The following HS3ST5 variants were observed in gnomAD, a reference collection of about 807,000 sequenced individuals.
The protein encoded by HS3ST5 is heparan sulfate glucosamine 3-O-sulfotransferase 5.
A neutral mutation model predicts 25.4 loss-of-function variants in HS3ST5; 10 were observed. The ratio of observed to expected loss-of-function variants is 0.39; its 90% CI spans 0.24 to 0.67. The LOEUF (loss-of-function observed/expected upper bound fraction) is 0.67. HS3ST5 is among the 30% of genes least tolerant of loss of function. The probability of loss-of-function intolerance (pLI) is 0.44; values close to 1 mark genes in which losing one functional copy is unlikely to be tolerated. For missense variants in HS3ST5, 324 were observed against 420.7 expected (o/e 0.77, Z 2.01); for synonymous variants, 170 against 162.4 (o/e 1.05, Z -0.36).
At chr6:114,301,176 C>T (rs1375208723) in intron 1 of HS3ST5, among the ~76,000 whole-genome samples, 2 of 152,164 alleles carry the variant, frequency 1.3e-5, no homozygotes, top group African/African-American at 4.8e-5. Context: ...GTATGAGAAT[C>T]ACATCTCAGT....
At chr6:114,161,563 AT>A (rs1778970328) in intron 3 of HS3ST5, among the ~76,000 whole-genome samples, 3 of 99,026 alleles carry the variant, frequency 3.0e-5, no homozygotes, top group South Asian at 3.0e-4. Flanking sequence ...ATATATATAT[AT>A]ATATATATAT....
chr6:114,140,698 C>T (rs547391945), intron 3 of HS3ST5, among the ~76,000 whole-genome samples: 29 of 152,218 alleles, frequency 1.9e-4, no homozygotes, highest in Non-Finnish European at 3.2e-4. Flanking sequence ...CAGAGGAGCA[C>T]GAGGAATGCA....
chr6:114,269,942 A>G (rs2114697751), intron 1 of HS3ST5, among the ~76,000 whole-genome samples: 1 of 152,294 alleles, frequency 6.6e-6, no homozygotes, highest in Middle Eastern at 3.4e-3. Flanking sequence ...GCCATCATCT[A>G]TGCCTCCATG....
intron 3 of HS3ST5, among the ~76,000 whole-genome samples, chr6:114,103,572 CTCTT>C (rs1485206356): frequency 6.6e-6 from 1 of 151,840 alleles, no homozygotes; most frequent in Non-Finnish European, 1.5e-5. Flanking sequence ...TCCTTTCTTT[CTCTT>C]TCTTTTTTTA....
chr6:114,219,162 G>A (rs1427883084), intron 2 of HS3ST5, among the ~76,000 whole-genome samples: 15 of 152,148 alleles, frequency 9.9e-5, no homozygotes, highest in African/African-American at 2.9e-4. Flanking sequence ...TACCTCATAA[G>A]TATTTGGATA....
chr6:114,317,413 T>C (rs975184803), intron 1 of HS3ST5, among the ~76,000 whole-genome samples: 1 of 152,116 alleles, frequency 6.6e-6, no homozygotes, highest in South Asian at 2.1e-4. Flanking sequence ...TATCCAGATG[T>C]CCCTTAAGAA....
chr6:114,244,578 A>C (rs570301226), intron 1 of HS3ST5, among the ~76,000 whole-genome samples: 1 of 152,324 alleles, frequency 6.6e-6, no homozygotes, highest in South Asian at 2.1e-4. Context: ...ATGAAAATTC[A>C]AGGTTTGGCC....
At chr6:114,311,222 A>T (rs1775515791) in intron 1 of HS3ST5, among the ~76,000 whole-genome samples, 1 of 152,176 alleles carries the variant, frequency 6.6e-6, no homozygotes, top group African/African-American at 2.4e-5. Flanking sequence ...AAATAATAAA[A>T]TCTGATGCTA....
At chr6:114,266,594 A>C (rs1288795848) in intron 1 of HS3ST5, among the ~76,000 whole-genome samples, 2 of 152,232 alleles carry the variant, frequency 1.3e-5, no homozygotes, top group Non-Finnish European at 2.9e-5. Flanking sequence ...GAAGTACATC[A>C]AATTACGAAG....
At chr6:114,124,699 A>G (rs1452647382) in intron 3 of HS3ST5, among the ~76,000 whole-genome samples, 1 of 151,968 alleles carries the variant, frequency 6.6e-6, no homozygotes, top group Non-Finnish European at 1.5e-5. Context: ...AGGAAAAAAA[A>G]TACACAAAGG....
intron 2 of HS3ST5, among the ~76,000 whole-genome samples, chr6:114,182,306 G>A (rs1256996702): frequency 1.3e-5 from 2 of 152,120 alleles, no homozygotes; most frequent in East Asian, 3.9e-4. Context: ...TTTTTGCAAT[G>A]TTTTCTTTCA....
chr6:114,264,427 T>C lies in HS3ST5; in HGVS notation c.-338-35649A>G, dbSNP rs184125385. ...CAGAGTTATTGCCCCCAATATTGCA[T>C]AGAAGAGCAAATTTCTTCAACATTC... On this transcript the variant is annotated intron_variant, in intron 1 of 4. Coordinates refer to ENST00000312719, the MANE Select transcript of HS3ST5 (RefSeq NM_153612.4). 7.2e-5 allele frequency among the ~76,000 whole-genome samples: 11 copies of C among 152,322 alleles called. No homozygotes were observed. The East Asian group carries it at 2.1e-3, about 29-fold the overall frequency.
chr6:114,120,544 A>C (rs1471714679), intron 3 of HS3ST5, among the ~76,000 whole-genome samples: 2 of 152,198 alleles, frequency 1.3e-5, no homozygotes, highest in African/African-American at 2.4e-5. Context: ...CTCACACACA[A>C]AAAATACTTC....
chr6:114,218,194 C>T (rs1302344920), intron 2 of HS3ST5, among the ~76,000 whole-genome samples: 3 of 152,088 alleles, frequency 2.0e-5, no homozygotes, highest in African/African-American at 4.8e-5. Context: ...GACAGCGTTT[C>T]GTCATGTCGG....
chr6:114,284,127 C>G (rs1306686067), intron 1 of HS3ST5, among the ~76,000 whole-genome samples: 1 of 151,902 alleles, frequency 6.6e-6, no homozygotes, highest in Non-Finnish European at 1.5e-5. Flanking sequence ...TGATTATATA[C>G]TCATATGCCC....
At chr6:114,233,819 T>C (rs1279341887) in intron 1 of HS3ST5, among the ~76,000 whole-genome samples, 1 of 152,208 alleles carries the variant, frequency 6.6e-6, no homozygotes, top group Non-Finnish European at 1.5e-5. Context: ...TCTTCAGAGA[T>C]TCAAAAGTAG....
At chr6:114,068,240 C>A (rs1271119695) in intron 3 of HS3ST5, among the ~76,000 whole-genome samples, 2 of 152,018 alleles carry the variant, frequency 1.3e-5, no homozygotes, top group Non-Finnish European at 1.5e-5. Context: ...GTCAATATTT[C>A]TCTTCTTGAG....
rs1212393510 is a variant in HS3ST5 at position 114,342,216 on chromosome 6, C to G, written c.-360G>C. Reference sequence around the variant, plus strand: ...TCACCGTGGTCCCCGGCGGTGGCGGCGCGGGCGGGAGCCTCAGGGCGCGGG... The same window carrying G: ...TCACCGTGGTCCCCGGCGGTGGCGGGGCGGGCGGGAGCCTCAGGGCGCGGG... On this transcript the variant is annotated 5_prime_UTR_variant, in exon 1 of 5. Coordinates refer to ENST00000312719, the MANE Select transcript of HS3ST5 (RefSeq NM_153612.4). The G allele has an allele frequency of 2.6e-5, 4 of 152,894 alleles. No individual in the cohort carries two copies. The highest frequency in any genetic ancestry group is 9.7e-5 in the African/African-American group (4 of 41,364). The allele number at this position is 152,894 out of a possible 1,614,324, so 9.5% of individuals were successfully genotyped here. A position where few individuals can be genotyped will look rare whatever the true frequency, so the allele number is the denominator to read the frequency against.
intron 2 of HS3ST5, among the ~76,000 whole-genome samples, chr6:114,198,951 T>C (rs1022364872): frequency 3.9e-5 from 6 of 152,156 alleles, no homozygotes; most frequent in African/African-American, 1.4e-4. Flanking sequence ...AATTGGCCTA[T>C]AAAAGGTTAC....
Sources: allele counts gnomAD v4.1 joint callset (sites outside exome capture counted in the v4.1 genomes callset), GRCh38; gene constraint gnomAD v4.1.1; transcripts MANE v1.5; gene names NCBI Gene and HGNC (gene_info 2026-07-23, HGNC 2026-07-21).